Variants in TMEM131 observed in about 807,000 individuals in gnomAD.
The protein encoded by TMEM131 is transmembrane protein 131, also known as 2610524E03Rik.
Under a neutral mutation model 211.6 loss-of-function variants are expected in TMEM131, and 66 were observed. That is an observed-to-expected ratio of 0.31 (90% CI 0.26 to 0.38). TMEM131 has a LOEUF of 0.38. Ranked by LOEUF, TMEM131 falls within the 10% of genes least tolerant of loss-of-function variation. The pLI is 1.00. For missense variants in TMEM131, 2,036 were observed against 2,299.3 expected (o/e 0.89, Z 2.34); for synonymous variants, 844 against 841.3 (o/e 1.00, Z -0.06).
At chr2:97,779,449 C>A (rs1183757137) in intron 31 of TMEM131, among the ~76,000 whole-genome samples, 2 of 152,200 alleles carry the variant, frequency 1.3e-5, no homozygotes, top group East Asian at 1.9e-4. Context: ...ACTCTCAGGG[C>A]AAGCGTGTTC....
At chr2:97,797,757 C>T (rs950352560) in intron 25 of TMEM131, among the ~76,000 whole-genome samples, 4 of 152,216 alleles carry the variant, frequency 2.6e-5, no homozygotes, top group African/African-American at 9.7e-5. Context: ...CAAATAAAGT[C>T]CTCAATGTTT....
At chr2:97,815,044 G>C (rs1681752891) in intron 13 of TMEM131, among the ~76,000 whole-genome samples, 155 bp downstream of exon 13, 1 of 152,026 alleles carries the variant, frequency 6.6e-6, no homozygotes, top group Non-Finnish European at 1.5e-5. Flanking sequence ...CAAAATATAG[G>C]AGGTTTTCTC....
At chr2:97,964,773 G>GA (rs1336837321) in intron 1 of TMEM131, among the ~76,000 whole-genome samples, 11 of 152,150 alleles carry the variant, frequency 7.2e-5, no homozygotes, top group Non-Finnish European at 1.2e-4. Flanking sequence ...CAAATCCTGG[G>GA]AAGGAAGATA....
rs1254847666 is a variant in TMEM131 at position 97,995,927 on chromosome 2, G to A, written c.-265C>T. 4 of 199,970 alleles carry A rather than the reference G, an allele frequency of 2.0e-5. No homozygotes were observed. The highest frequency in any genetic ancestry group is 4.0e-5 in the Non-Finnish European group (4 of 100,152). 12.4% of individuals were successfully genotyped at this position (199,970 alleles called of 1,614,324 possible). A position where few individuals can be genotyped will look rare whatever the true frequency, so the allele number is the denominator to read the frequency against. ...TCAGGCGCGGCGGGCGGCCATACTG[G>A]AAACGGGCACGGCCCGCGAGCCCTG... On this transcript the variant is annotated 5_prime_UTR_variant, in exon 1 of 41. Coordinates refer to ENST00000186436, the MANE Select transcript of TMEM131 (RefSeq NM_015348.2).
chr2:97,873,520 T>C (rs1674574496), intron 4 of TMEM131, among the ~76,000 whole-genome samples: 1 of 152,194 alleles, frequency 6.6e-6, no homozygotes, highest in African/African-American at 2.4e-5. Flanking sequence ...ATTTGGCAGG[T>C]GCCCCTCTGG....
At position 97,792,417 on chromosome 2, in the gene TMEM131, C is replaced by T. The variant is rs773453242; in HGVS notation, c.4113G>A (p.Glu1371=). ...TTTTTGGCAATGGCGATGGAGGCTGCTCTGTAAACACTTCTAGGGCTGGGG... is the reference window on the plus strand; with the variant it reads ...TTTTTGGCAATGGCGATGGAGGCTGTTCTGTAAACACTTCTAGGGCTGGGG... ...HDSPALEVFT[E]QPPSPLPKSK... is the part of the protein sequence containing the mutation. The change falls in exon 31 of 41, where the codon GAG becomes GAA. Residue 1371 remains glutamate (E), a synonymous_variant. Transcript: ENST00000186436. The T allele has an allele frequency of 6.2e-7, 1 of 1,601,488 alleles. No individual in the cohort carries two copies. The highest frequency in any genetic ancestry group is 1.7e-5 in the Admixed American group (1 of 57,952).
At chr2:97,769,532 G>T (rs968956102) in intron 33 of TMEM131, among the ~76,000 whole-genome samples, 11 of 152,154 alleles carry the variant, frequency 7.2e-5, no homozygotes, top group African/African-American at 2.7e-4. Context: ...TGACAGGTCT[G>T]GGGCTGGCGT....
At chr2:97,900,505 ATTT>A (rs533466724) in intron 3 of TMEM131, among the ~76,000 whole-genome samples, 2 of 151,862 alleles carry the variant, frequency 1.3e-5, no homozygotes, top group Non-Finnish European at 2.9e-5. Flanking sequence ...GGATTTCCTT[ATTT>A]TTTAAGGCTT....
In TMEM131 at chr2:97,798,992, T is replaced by C. The variant is rs190760272; in HGVS notation, c.2719-1476A>G. On this transcript the variant is annotated intron_variant, in intron 25 of 40. Coordinates refer to ENST00000186436, the MANE Select transcript of TMEM131 (RefSeq NM_015348.2). ...ATGTTGTGATGCCTCCCGTATACCA[T>C]TCAGGACCTTAATAATTTTATAGTG... Among the ~76,000 whole-genome samples the C allele has an allele frequency of 2.0e-3, 303 of 152,336 alleles. 2 individuals are homozygous for C. Among genetic ancestry groups the C allele is most frequent in the African/African-American group, 6.9e-3 (288 of 41,578 alleles).
At chr2:97,888,893 T>G (rs1675268288) in intron 3 of TMEM131, among the ~76,000 whole-genome samples, 1 of 152,214 alleles carries the variant, frequency 6.6e-6, no homozygotes. Context: ...GTTTTTGTTC[T>G]AGGAAATGAT....
intron 2 of TMEM131, among the ~76,000 whole-genome samples, chr2:97,910,517 G>A (rs887638923): frequency 6.6e-6 from 1 of 152,038 alleles, no homozygotes; most frequent in Non-Finnish European, 1.5e-5. Flanking sequence ...AACAAAATGT[G>A]ATTTATACAT....
intron 1 of TMEM131, among the ~76,000 whole-genome samples, chr2:97,960,859 G>GA (rs1418728335): frequency 1.3e-4 from 19 of 151,752 alleles, no homozygotes; most frequent in Non-Finnish European, 4.4e-5. Flanking sequence ...TACCAGAAAA[G>GA]CAAGGATGGT....
intron 5 of TMEM131, among the ~76,000 whole-genome samples, chr2:97,858,831 T>C (rs112665749): frequency 6.6e-6 from 1 of 152,184 alleles, no homozygotes; most frequent in South Asian, 2.1e-4. Flanking sequence ...TTAATGAGTT[T>C]GGAAGTGATT....
At chr2:97,984,355 T>A (rs915640145) in intron 1 of TMEM131, among the ~76,000 whole-genome samples, 12 of 152,156 alleles carry the variant, frequency 7.9e-5, no homozygotes, top group South Asian at 4.1e-4. Flanking sequence ...ATTTTTTTTT[T>A]AAATATCAAA....
chr2:97,934,160 A>C lies in TMEM131; in HGVS notation c.188-6673T>G, dbSNP rs115266874. On this transcript the variant is annotated intron_variant, in intron 1 of 40. Transcript: ENST00000186436. Reference sequence around the variant, plus strand: ...AGTCCTTCTTAAAGGTAATAAGTACATATAGCAAAGTTGCAGAATACAAGG... The same window carrying C: ...AGTCCTTCTTAAAGGTAATAAGTACCTATAGCAAAGTTGCAGAATACAAGG... Among the ~76,000 whole-genome samples, 5 of 152,338 alleles carry C rather than the reference A, an allele frequency of 3.3e-5. No individual in the cohort carries two copies. In the East Asian group the frequency reaches 7.7e-4, roughly 23 times the overall value.
At chr2:97,922,519 T>C (rs527475691) in intron 2 of TMEM131, among the ~76,000 whole-genome samples, 49 of 152,092 alleles carry the variant, frequency 3.2e-4, no homozygotes, top group African/African-American at 1.2e-3. Flanking sequence ...ATCCATACAA[T>C]GCAACACTAT....
In TMEM131 at chr2:97,796,224, A is replaced by T. The variant is rs749613467; in HGVS notation, c.3194T>A (p.Ile1065Asn). The change falls in exon 28 of 41, where the codon ATC (isoleucine) becomes AAC (asparagine). Residue 1065 changes from isoleucine to asparagine, a missense_variant. Ile to Asn is a moderately radical substitution (Grantham distance 149). Transcript: ENST00000186436. ...CTTAAAATAAAATACTTACAATATGATTATATCTCTAGAAGCATTGGCACT... is the reference window on the plus strand; with the variant it reads ...CTTAAAATAAAATACTTACAATATGTTTATATCTCTAGAAGCATTGGCACT... The part of the protein sequence containing the change: ...TLSANASRDI[I>N]ILFTPDFTAS... The T allele has an allele frequency of 1.8e-5, 27 of 1,527,812 alleles. No individual in the cohort carries two copies. The highest frequency in any genetic ancestry group is 4.1e-5 in the Admixed American group (2 of 49,160). The allele number at this position is 1,527,812 out of a possible 1,614,324, so 94.6% of individuals were successfully genotyped here. A position where few individuals can be genotyped will look rare whatever the true frequency, so the allele number is the denominator to read the frequency against.
intron 10 of TMEM131, among the ~76,000 whole-genome samples, chr2:97,834,099 A>G (rs1305172315): frequency 6.6e-6 from 1 of 152,250 alleles, no homozygotes; most frequent in Non-Finnish European, 1.5e-5. Flanking sequence ...TATGGTCTTC[A>G]ATCTTAACTA....
intron 31 of TMEM131, among the ~76,000 whole-genome samples, chr2:97,778,767 G>C (rs1220179328): frequency 6.6e-6 from 1 of 152,082 alleles, no homozygotes; most frequent in Non-Finnish European, 1.5e-5. Flanking sequence ...GGACACTGTA[G>C]AATGTAGCTC....
Sources: gnomAD v4.1 joint callset for allele counts (sites outside exome capture counted in the v4.1 genomes callset) on GRCh38, gnomAD v4.1.1 for gene constraint, MANE v1.5 for transcripts, NCBI Gene and HGNC (gene_info 2026-07-23, HGNC 2026-07-21) for gene names.